Variants in RDH12 observed in about 807,000 individuals in gnomAD.
The protein encoded by RDH12 is retinol dehydrogenase 12, also known as all-trans and 9-cis retinol dehydrogenase.
In RDH12, 21 loss-of-function variants were observed where a neutral mutation model predicts 34.0. The ratio of observed to expected loss-of-function variants is 0.62; its 90% CI spans 0.44 to 0.89. The LOEUF is 0.89. Ranked by LOEUF, RDH12 falls within the 40% of genes least tolerant of loss-of-function variation. The pLI is 0.00. For missense variants in RDH12, 394 were observed against 398.6 expected, an observed-to-expected ratio of 0.99 and a Z score of 0.10; for synonymous variants, 198 against 169.9, an observed-to-expected ratio of 1.17 and a Z score of -1.29.
intron 6 of RDH12, 103 bp from the exon 7 acceptor site, chr14:67,726,878 C>T: frequency 9.7e-7 from 1 of 1,035,008 alleles, no homozygotes; most frequent in Non-Finnish European, 1.5e-6. Flanking sequence ...AATTGGTTCA[C>T]ACCCAGAAGA....
chr14:67,729,113 G>A, intron 7 of RDH12, 78 bp from the exon 8 acceptor site: 2 of 1,423,582 alleles, frequency 1.4e-6, no homozygotes, highest in South Asian at 2.3e-5. Flanking sequence ...TCTCACTTGT[G>A]TATTTTGCTG....
chr14:67,708,032 A>G (rs2037968538), intron 1 of RDH12, among the ~76,000 whole-genome samples: 1 of 152,264 alleles, frequency 6.6e-6, no homozygotes, highest in African/African-American at 2.4e-5. Context: ...AAATGGAAAC[A>G]GATTCTTACT....
At chr14:67,725,013 C>G (rs2038168012) in intron 4 of RDH12, 86 bp from the exon 5 acceptor site, 2 of 1,450,728 alleles carry the variant, frequency 1.4e-6, no homozygotes, top group Non-Finnish European at 1.9e-6. Context: ...AATGAATGCT[C>G]TGTCCCCCAG....
In RDH12 at chr14:67,707,096, A is replaced by G. The variant is rs530938648; in HGVS notation, c.-275+5161A>G. Reference sequence around the variant, plus strand: ...TGCTGTTATTTTCTTCTGAAGTTTAAGTTGTCTAGCTTCAGTTTGCAGAGC... The same window carrying G: ...TGCTGTTATTTTCTTCTGAAGTTTAGGTTGTCTAGCTTCAGTTTGCAGAGC... On this transcript the variant is annotated intron_variant, in intron 1 of 8. Transcript: ENST00000551171. Among the ~76,000 whole-genome samples, 6 of 152,294 alleles carry G rather than the reference A, an allele frequency of 3.9e-5. No homozygotes were observed. The South Asian group carries it at 1.2e-3, about 32-fold the overall frequency.
chr14:67,711,623 T>C (rs2038009417), intron 1 of RDH12, among the ~76,000 whole-genome samples: 3 of 152,342 alleles, frequency 2.0e-5, no homozygotes, highest in South Asian at 4.1e-4. Context: ...GTCATGCCAA[T>C]AGAAGTACAT....
chr14:67,724,392 GT>G (rs11331653), intron 3 of RDH12, 80 bp from the exon 4 acceptor site: 240,965 of 650,902 alleles, frequency 0.37, 18,351 homozygotes, highest in Non-Finnish European at 0.42. Flanking sequence ...GCTGGATAGA[GT>G]TTTTTTTTTT....
At chr14:67,729,889 G>T in intron 8 of RDH12, 1 of 445,932 alleles carries the variant, frequency 2.2e-6, no homozygotes. Flanking sequence ...ACTAGAGTCT[G>T]GGAGTAAAGG....
chr14:67,726,137 C>G lies in RDH12; in HGVS notation c.430C>G (p.Leu144Val), dbSNP rs377085347. Residue 144 changes from leucine to valine, a missense_variant, in exon 6 of 9, where the codon CTG becomes GTG. Transcript: ENST00000551171. The part of the protein sequence containing the change: ...SKTADGFETH[L>V]GVNHLGHFLL... Reference sequence around the variant, plus strand: ...GACAGCTGATGGCTTTGAAACCCACCTGGGAGTCAACCACCTGGGTAAGTA... The same window carrying G: ...GACAGCTGATGGCTTTGAAACCCACGTGGGAGTCAACCACCTGGGTAAGTA... The G allele has an allele frequency of 3.1e-6, 5 of 1,610,532 alleles. No homozygotes were observed. Among genetic ancestry groups the G allele is most frequent in the Non-Finnish European group, 4.2e-6 (5 of 1,176,676 alleles).
chr14:67,715,970 C>T (rs540274334), intron 1 of RDH12, among the ~76,000 whole-genome samples: 1 of 151,982 alleles, frequency 6.6e-6, no homozygotes, highest in African/African-American at 2.4e-5. Flanking sequence ...CCGAGGCGGG[C>T]GGATCACGAG....
chr14:67,725,983 G>C, intron 5 of RDH12, 68 bp from the exon 6 acceptor site: 1 of 1,022,488 alleles, frequency 9.8e-7, no homozygotes, highest in Non-Finnish European at 1.6e-6. Flanking sequence ...GGGCAATTAT[G>C]CAGGTCTGTT....
intron 1 of RDH12, among the ~76,000 whole-genome samples, chr14:67,716,083 G>C: frequency 6.6e-6 from 1 of 151,994 alleles, no homozygotes; most frequent in Non-Finnish European, 1.5e-5. Context: ...TGTAGTCCCA[G>C]CTACTCTGGA....
rs1260581395 is a variant in RDH12 at position 67,726,169 on chromosome 14, G to A, written c.448+14G>A. On this transcript the variant is annotated intron_variant, in intron 6 of 8. Coordinates refer to ENST00000551171, the MANE Select transcript of RDH12 (RefSeq NM_152443.3). ...TCAACCACCTGGGTAAGTATCTTTG[G>A]GTGACTAAAAAATGAGGTACACCCA... The A allele has an allele frequency of 4.6e-6, 7 of 1,512,614 alleles. No homozygotes were observed. The Admixed American group carries it at 6.7e-5, about 14-fold the overall frequency. The allele number at this position is 1,512,614 out of a possible 1,614,324, so 93.7% of individuals were successfully genotyped here. A position where few individuals can be genotyped will look rare whatever the true frequency, so the allele number is the denominator to read the frequency against.
At chr14:67,729,917 C>A (rs2038247085) in intron 8 of RDH12, 1 of 427,220 alleles carries the variant, frequency 2.3e-6, no homozygotes, top group Non-Finnish European at 4.6e-6. Context: ...AGGGTGAAAT[C>A]TCTTTCCCAT....
At chr14:67,707,344 T>G (rs1360667317) in intron 1 of RDH12, among the ~76,000 whole-genome samples, 1 of 152,218 alleles carries the variant, frequency 6.6e-6, no homozygotes, top group African/African-American at 2.4e-5. Context: ...TCTCTCCAGT[T>G]TCCCATTTTT....
Position 67,722,416 on chromosome 14 carries a change from C to T in RDH12, c.-219-8C>T. Reference sequence around the variant, plus strand: ...CTTCAAACCTTGACTCCATCCCCTCCCCACCAGGACTACATCTCCCAGCAG... The same window carrying T: ...CTTCAAACCTTGACTCCATCCCCTCTCCACCAGGACTACATCTCCCAGCAG... On this transcript the variant is annotated splice_region_variant and splice_polypyrimidine_tract_variant and intron_variant, in intron 2 of 8. Transcript: ENST00000551171. The T allele has an allele frequency of 3.3e-6, 2 of 606,940 alleles. No individual in the cohort carries two copies. The allele number at this position is 606,940 out of a possible 1,614,324, so 37.6% of individuals were successfully genotyped here. A position where few individuals can be genotyped will look rare whatever the true frequency, so the allele number is the denominator to read the frequency against.
At chr14:67,704,868 C>T (rs1160595818) in intron 1 of RDH12, among the ~76,000 whole-genome samples, 2 of 152,194 alleles carry the variant, frequency 1.3e-5, no homozygotes, top group Admixed American at 1.3e-4. Flanking sequence ...TCAACCAAGA[C>T]AGGAACTTCA....
chr14:67,727,590 C>T lies in RDH12; in HGVS notation c.658+400C>T, dbSNP rs147389342. On this transcript the variant is annotated intron_variant, in intron 7 of 8. Transcript: ENST00000551171. ...CTCTGCCTCCTGGGTTCAAGTGATT[C>T]TCCTGCATCAGCCTCTTGAGTAGTT... The T allele has an allele frequency of 4.3e-3, 1,153 of 268,036 alleles. 57 individuals are homozygous for T. The East Asian group carries it at 0.1, about 24-fold the overall frequency. 16.6% of individuals were successfully genotyped at this position (268,036 alleles called of 1,614,324 possible).
chr14:67,708,794 CTTT>C (rs377047632), intron 1 of RDH12, among the ~76,000 whole-genome samples: 63 of 136,868 alleles, frequency 4.6e-4, no homozygotes, highest in African/African-American at 4.8e-4. Context: ...TTAATAATAC[CTTT>C]TTTTTTTTTT....
At chr14:67,713,347 G>A (rs149398217) in intron 1 of RDH12, among the ~76,000 whole-genome samples, 307 of 131,824 alleles carry the variant, frequency 2.3e-3, no homozygotes, top group African/African-American at 8.5e-3. Context: ...GCTTTCCATC[G>A]TCATGGAAGC....
Sources: allele counts gnomAD v4.1 joint callset (sites outside exome capture counted in the v4.1 genomes callset), GRCh38; gene constraint gnomAD v4.1.1; transcripts MANE v1.5; gene names NCBI Gene and HGNC (gene_info 2026-07-23, HGNC 2026-07-21).